The following DGKB variants were observed in gnomAD, a reference collection of about 807,000 sequenced individuals.
DGKB encodes diacylglycerol kinase beta.
A neutral mutation model predicts 114.3 loss-of-function variants in DGKB; 67 were observed. The ratio of observed to expected loss-of-function variants is 0.59; its 90% confidence interval spans 0.48 to 0.72. DGKB has a LOEUF of 0.72. Ranked by LOEUF, DGKB falls within the 30% of genes least tolerant of loss-of-function variation. DGKB has a pLI of 0.00. For synonymous variants in DGKB, 398 were observed against 323.1 expected (o/e 1.23, Z -2.49); for missense variants, 907 against 975.2 (o/e 0.93, Z 0.93).
intron 13 of DGKB, among the ~76,000 whole-genome samples, chr7:14,643,127 A>C (rs1812146213): frequency 6.6e-6 from 1 of 152,162 alleles, no homozygotes; most frequent in African/African-American, 2.4e-5. Context: ...CTTCTAAGAC[A>C]TGGAAACTCC....
chr7:14,748,328 A>C (rs2128426600), intron 4 of DGKB, among the ~76,000 whole-genome samples: 1 of 152,348 alleles, frequency 6.6e-6, no homozygotes, highest in South Asian at 2.1e-4. Context: ...AAGAAGAAAA[A>C]GATTTCTTGG....
At chr7:14,383,069 G>A (rs1819747418) in intron 21 of DGKB, among the ~76,000 whole-genome samples, 1 of 152,166 alleles carries the variant, frequency 6.6e-6, no homozygotes, top group South Asian at 2.1e-4. Flanking sequence ...TTCTTTTGGA[G>A]TACACCATAG....
At chr7:14,635,942 G>A (rs1201873874) in intron 13 of DGKB, among the ~76,000 whole-genome samples, 1 of 151,468 alleles carries the variant, frequency 6.6e-6, no homozygotes, top group African/African-American at 2.4e-5. Flanking sequence ...TAGCACTATA[G>A]GTAATGAAAG....
At chr7:14,427,460 C>G (rs753770401) in intron 21 of DGKB, among the ~76,000 whole-genome samples, 1 of 152,090 alleles carries the variant, frequency 6.6e-6, no homozygotes, top group Non-Finnish European at 1.5e-5. Flanking sequence ...GCCCAGTTAC[C>G]CAGTTCCAAA....
intron 1 of DGKB, among the ~76,000 whole-genome samples, chr7:14,924,821 G>A (rs1232004002): frequency 6.6e-6 from 1 of 152,016 alleles, no homozygotes; most frequent in Non-Finnish European, 1.5e-5. Flanking sequence ...CCTTTACCCA[G>A]CTCCTCTCAT....
At chr7:14,549,403 T>C (rs1794784666) in intron 20 of DGKB, among the ~76,000 whole-genome samples, 2 of 152,134 alleles carry the variant, frequency 1.3e-5, no homozygotes, top group Non-Finnish European at 2.9e-5. Context: ...TAGGAATAAA[T>C]ATTTTTTTTT....
intron 25 of DGKB, chr7:14,176,247 T>C (rs13228696): frequency 5.1e-6 from 4 of 783,934 alleles, no homozygotes; most frequent in Admixed American, 6.2e-5. Flanking sequence ...AAGCAGTTCC[T>C]AGCATGTTTT....
At chr7:14,338,455 A>T in intron 23 of DGKB, 60 bp downstream of exon 23, 2 of 1,092,526 alleles carry the variant, frequency 1.8e-6, no homozygotes, top group Non-Finnish European at 2.6e-6. Context: ...CTTTACTTTT[A>T]AAGAAGCCTT....
At chr7:14,721,184 G>C (rs572180451) in intron 5 of DGKB, among the ~76,000 whole-genome samples, 1 of 152,146 alleles carries the variant, frequency 6.6e-6, no homozygotes, top group Non-Finnish European at 1.5e-5. Context: ...TTGAAAGAAA[G>C]CCAAATATAT....
At chr7:14,577,171 C>T (rs1252633614) in intron 19 of DGKB, among the ~76,000 whole-genome samples, 1 of 151,950 alleles carries the variant, frequency 6.6e-6, no homozygotes, top group Non-Finnish European at 1.5e-5. Flanking sequence ...GGTTTAAAGC[C>T]TGTAATCAAT....
intron 23 of DGKB, among the ~76,000 whole-genome samples, chr7:14,180,714 T>C (rs1000593674): frequency 2.0e-5 from 3 of 152,228 alleles, no homozygotes; most frequent in Non-Finnish European, 4.4e-5. Flanking sequence ...TCTGTCTGTA[T>C]ACAATTGATG....
At chr7:14,837,139 T>A (rs1347719831) in intron 2 of DGKB, among the ~76,000 whole-genome samples, 1 of 152,172 alleles carries the variant, frequency 6.6e-6, no homozygotes, top group Non-Finnish European at 1.5e-5. Flanking sequence ...CACAGATATA[T>A]TAAGTTACCC....
chr7:14,552,041 C>A (rs1398792241), intron 20 of DGKB, among the ~76,000 whole-genome samples: 2 of 151,816 alleles, frequency 1.3e-5, no homozygotes, highest in Non-Finnish European at 2.9e-5. Flanking sequence ...TTTTGGAGGG[C>A]TAAATATGCT....
chr7:14,777,970 T>C (rs1447270329), intron 2 of DGKB, among the ~76,000 whole-genome samples: 1 of 152,190 alleles, frequency 6.6e-6, no homozygotes, highest in African/African-American at 2.4e-5. Context: ...GTGAAGCAGA[T>C]CTATTTAAAT....
At chr7:14,820,861 A>AT (rs2128101820) in intron 2 of DGKB, among the ~76,000 whole-genome samples, 1 of 152,266 alleles carries the variant, frequency 6.6e-6, no homozygotes, top group African/African-American at 2.4e-5. Flanking sequence ...CGGTAATTAA[A>AT]TCAAGCTGGA....
At chr7:14,934,992 C>G (rs564041658) in intron 1 of DGKB, among the ~76,000 whole-genome samples, 2 of 152,190 alleles carry the variant, frequency 1.3e-5, no homozygotes, top group Non-Finnish European at 2.9e-5. Flanking sequence ...ACATTATGTA[C>G]TAACATTGAG....
At chr7:14,266,408 C>A (rs572183262) in intron 23 of DGKB, among the ~76,000 whole-genome samples, 1 of 152,082 alleles carries the variant, frequency 6.6e-6, no homozygotes, top group East Asian at 1.9e-4. Context: ...AGAAAATTTG[C>A]AAGGCCAAAT....
Position 14,203,104 on chromosome 7 carries a change from A to C in DGKB, c.2123-24953T>G, listed in dbSNP as rs191815056. On this transcript the variant is annotated intron_variant, in intron 23 of 25. Transcript: ENST00000402815. ...GCAAATGTGTGCAACGTGAAAAAAA[A>C]TCAACAGATGTGCGAATAATCTCTA... Among the ~76,000 whole-genome samples the C allele has an allele frequency of 2.1e-5, 3 of 142,514 alleles. No individual in the cohort carries two copies. The Admixed American group carries it at 2.3e-4, about 11-fold the overall frequency. 93.5% of individuals were successfully genotyped at this position (142,514 alleles called of 152,430 possible). A position where few individuals can be genotyped will look rare whatever the true frequency, so the allele number is the denominator to read the frequency against.
chr7:14,632,879 C>T lies in DGKB; in HGVS notation c.1135-2611G>A, dbSNP rs143541710. Among the ~76,000 whole-genome samples the T allele has an allele frequency of 7.6e-3, 1,157 of 151,914 alleles. 16 individuals are homozygous for T. The highest frequency in any genetic ancestry group is 0.027 in the African/African-American group (1,119 of 41,504). The stretch of plus-strand genomic sequence containing the variant: ...AGCAGAAGCCCTTATTGACAGGCAT[C>T]GCACTTTTCCAAATGTGTTCCTTTT... On this transcript the variant is annotated intron_variant, in intron 13 of 25. Transcript: ENST00000402815.
Sources: gnomAD v4.1 joint callset for allele counts (sites outside exome capture counted in the v4.1 genomes callset) on GRCh38, gnomAD v4.1.1 for gene constraint, MANE v1.5 for transcripts, NCBI Gene and HGNC (gene_info 2026-07-23, HGNC 2026-07-21) for gene names.